MACROD2: variants seen among roughly 807,000 people sequenced by gnomAD.
MACROD2 encodes ADP-ribose glycohydrolase MACROD2.
In MACROD2, 36 loss-of-function variants were observed where a neutral mutation model predicts 70.4. The observed-to-expected ratio is 0.51, with a 90% confidence interval of 0.39 to 0.68. The LOEUF (loss-of-function observed/expected upper bound fraction) is 0.68, where lower values mean the gene tolerates loss of function less well. Among genes scored for constraint, MACROD2 ranks in the 30% least tolerant of loss-of-function variants. The pLI is 0.00. For synonymous variants in MACROD2, 172 were observed against 178.8 expected (o/e 0.96, Z 0.30); for missense variants, 496 against 538.4 (o/e 0.92, Z 0.78).
At chr20:15,238,050 TGCATA>T (rs2077029726) in intron 6 of MACROD2, among the ~76,000 whole-genome samples, 1 of 152,222 alleles carries the variant, frequency 6.6e-6, no homozygotes, top group Non-Finnish European at 1.5e-5. Flanking sequence ...ATGTCATTTC[TGCATA>T]GCAAGGGGAC....
chr20:15,328,650 T>C (rs1600247832), intron 6 of MACROD2, among the ~76,000 whole-genome samples: 1 of 152,260 alleles, frequency 6.6e-6, no homozygotes, highest in East Asian at 1.9e-4. Flanking sequence ...CTGCTGGCCA[T>C]ATCAGTGGAC....
At chr20:15,804,354 C>T (rs1312810432) in intron 8 of MACROD2, among the ~76,000 whole-genome samples, 1 of 152,160 alleles carries the variant, frequency 6.6e-6, no homozygotes, top group Non-Finnish European at 1.5e-5. Flanking sequence ...TTTAAAGGCA[C>T]CTAATAGTAT....
intron 5 of MACROD2, among the ~76,000 whole-genome samples, chr20:15,092,506 GCTT>G (rs2075800076): frequency 6.7e-6 from 1 of 150,114 alleles, no homozygotes; most frequent in African/African-American, 2.4e-5. Flanking sequence ...GCCTTGGAAA[GCTT>G]CTTAGGTTTT....
chr20:15,095,695 T>G (rs2123178158), intron 5 of MACROD2, among the ~76,000 whole-genome samples: 1 of 151,800 alleles, frequency 6.6e-6, no homozygotes, highest in South Asian at 2.1e-4. Flanking sequence ...TTTTTTGTAT[T>G]TTTAGTAGAG....
chr20:14,224,799 C>CTGTTAT (rs2081716878), intron 3 of MACROD2, among the ~76,000 whole-genome samples: 1 of 152,138 alleles, frequency 6.6e-6, no homozygotes, highest in African/African-American at 2.4e-5. Flanking sequence ...CATACCAGTA[C>CTGTTAT]TGTTATTTCG....
At chr20:15,790,726 G>GA (rs906177278) in intron 8 of MACROD2, among the ~76,000 whole-genome samples, 18 of 151,624 alleles carry the variant, frequency 1.2e-4, no homozygotes, top group African/African-American at 3.6e-4. Flanking sequence ...AATCTTTTTA[G>GA]AAAAAAAATT....
chr20:15,061,161 A>G (rs1332220209), intron 5 of MACROD2, among the ~76,000 whole-genome samples: 1 of 152,176 alleles, frequency 6.6e-6, no homozygotes, highest in Non-Finnish European at 1.5e-5. Context: ...TCTTTGGACC[A>G]CTACCATCAA....
intron 8 of MACROD2, among the ~76,000 whole-genome samples, chr20:15,821,240 T>G (rs960546257): frequency 3.9e-5 from 6 of 152,302 alleles, no homozygotes; most frequent in Non-Finnish European, 7.4e-5. Flanking sequence ...TTTTAAAACA[T>G]TTCTTCATTT....
chr20:14,041,143 A>C (rs1284882344), intron 2 of MACROD2, among the ~76,000 whole-genome samples: 1 of 152,202 alleles, frequency 6.6e-6, no homozygotes, highest in East Asian at 1.9e-4. Context: ...GTAGATTGCA[A>C]ATTTTTATAA....
chr20:14,503,183 A>G (rs1319274467), intron 4 of MACROD2, among the ~76,000 whole-genome samples: 1 of 152,218 alleles, frequency 6.6e-6, no homozygotes, highest in African/African-American at 2.4e-5. Context: ...GTGTATGTCC[A>G]GCAGGCAGTC....
At chr20:14,721,776 C>T (rs542519285) in intron 5 of MACROD2, among the ~76,000 whole-genome samples, 2 of 152,272 alleles carry the variant, frequency 1.3e-5, no homozygotes, top group South Asian at 4.1e-4. Flanking sequence ...CCTTCCCAAC[C>T]TCATGAATCA....
At chr20:14,466,541 G>A (rs1179171019) in intron 3 of MACROD2, among the ~76,000 whole-genome samples, 2 of 152,098 alleles carry the variant, frequency 1.3e-5, no homozygotes, top group Non-Finnish European at 2.9e-5. Flanking sequence ...ACTTGTCAAA[G>A]TCATTTTCTG....
At chr20:14,105,159 T>C (rs1020695365) in intron 3 of MACROD2, among the ~76,000 whole-genome samples, 4 of 152,266 alleles carry the variant, frequency 2.6e-5, no homozygotes, top group African/African-American at 9.6e-5. Flanking sequence ...TTTTAACAAC[T>C]ACACAAAAAA....
chr20:14,926,506 C>T (rs1415994322), intron 5 of MACROD2, among the ~76,000 whole-genome samples: 1 of 150,852 alleles, frequency 6.6e-6, no homozygotes, highest in East Asian at 2.0e-4. Context: ...GCCGAGATTG[C>T]ATCACTGCAC....
At chr20:15,188,482 G>A (rs2076548167) in intron 5 of MACROD2, among the ~76,000 whole-genome samples, 1 of 152,166 alleles carries the variant, frequency 6.6e-6, no homozygotes, top group African/African-American at 2.4e-5. Context: ...TGTTTTTTGT[G>A]CTAGCAGTTT....
intron 4 of MACROD2, among the ~76,000 whole-genome samples, chr20:14,629,959 C>CTATCTATCTATT (rs1383724396): frequency 1.1e-3 from 157 of 141,808 alleles, no homozygotes; most frequent in South Asian, 6.4e-3. Context: ...TAAGGTCTAT[C>CTATCTATCTATT]TATCTATCTA....
chr20:15,724,811 G>A (rs1204077016), intron 8 of MACROD2, among the ~76,000 whole-genome samples: 6 of 152,050 alleles, frequency 3.9e-5, no homozygotes, highest in South Asian at 2.1e-4. Context: ...GGCCAGGCAC[G>A]GTGGCTCACA....
intron 5 of MACROD2, among the ~76,000 whole-genome samples, chr20:15,156,544 T>A (rs1171301528): frequency 2.6e-5 from 4 of 152,168 alleles, no homozygotes; most frequent in Admixed American, 2.0e-4. Flanking sequence ...ATAAAACCTG[T>A]AGTGCTTTGC....
rs889973485 is a variant in MACROD2, at chr20:15,092,502, G to T, written c.419-137438G>T. Among the ~76,000 whole-genome samples the T allele has an allele frequency of 4.7e-5, 7 of 149,930 alleles. No individual in the cohort carries two copies. In the East Asian group the frequency reaches 1.2e-3, roughly 25 times the overall value. On this transcript the variant is annotated intron_variant, in intron 5 of 17. Coordinates refer to ENST00000684519, the MANE Select transcript of MACROD2 (RefSeq NM_001351661.2). ...ATGTTATAAATACAAGCTGGCCTTG[G>T]AAAGCTTCTTAGGTTTTTTTTATTT... is the stretch of plus-strand genomic sequence containing the variant.
Sources: gnomAD v4.1 joint callset for allele counts (sites outside exome capture counted in the v4.1 genomes callset) on GRCh38, gnomAD v4.1.1 for gene constraint, MANE v1.5 for transcripts, NCBI Gene and HGNC (gene_info 2026-07-23, HGNC 2026-07-21) for gene names.